AFAP1L2: variants seen among roughly 807,000 people sequenced by gnomAD.
AFAP1L2 encodes actin filament associated protein 1 like 2.
Under a neutral mutation model 99.3 loss-of-function variants are expected in AFAP1L2, and 46 were observed. That is an observed-to-expected ratio of 0.46 (90% CI 0.37 to 0.59). The LOEUF is 0.59. Among genes scored for constraint, AFAP1L2 ranks in the 20% least tolerant of loss-of-function variants. The pLI, the probability that AFAP1L2 is intolerant of heterozygous loss-of-function variation, is 0.00. For missense variants in AFAP1L2, 959 were observed against 1,034.9 expected (o/e 0.93, Z 1.01); for synonymous variants, 397 against 419.1 (o/e 0.95, Z 0.64).
intron 1 of AFAP1L2, among the ~76,000 whole-genome samples, chr10:114,348,098 T>A (rs1159202801): frequency 6.6e-6 from 1 of 152,190 alleles, no homozygotes; most frequent in Admixed American, 6.5e-5. Flanking sequence ...GTTTTCAAGG[T>A]TCATCCATGT....
downstream of AFAP1L2, among the ~76,000 whole-genome samples, chr10:114,294,216 G>C (rs2039862690): frequency 6.6e-6 from 1 of 152,072 alleles, no homozygotes; most frequent in African/African-American, 2.4e-5. Flanking sequence ...TTTAATCTGT[G>C]TCCAACAATG....
intron 1 of AFAP1L2, among the ~76,000 whole-genome samples, chr10:114,341,538 G>A (rs1488212293): frequency 6.6e-6 from 1 of 151,770 alleles, no homozygotes; most frequent in East Asian, 1.9e-4. Flanking sequence ...GCTTGAACCC[G>A]GGAGGCGGAG....
intron 1 of AFAP1L2, among the ~76,000 whole-genome samples, chr10:114,397,771 C>T (rs546850956): frequency 1.3e-5 from 2 of 152,268 alleles, no homozygotes; most frequent in South Asian, 4.2e-4. Context: ...AGCTGGCTAG[C>T]CTCTCTTGCT....
chr10:114,384,194 T>C (rs1052827171), intron 1 of AFAP1L2, among the ~76,000 whole-genome samples: 3 of 152,178 alleles, frequency 2.0e-5, no homozygotes, highest in African/African-American at 7.2e-5. Context: ...GGCACCATCA[T>C]TCACTCTGAT....
intron 1 of AFAP1L2, among the ~76,000 whole-genome samples, chr10:114,388,017 C>A (rs1036575603): frequency 1.4e-4 from 22 of 152,252 alleles, no homozygotes; most frequent in Admixed American, 1.2e-3. Flanking sequence ...TGGACAACTA[C>A]AATAGGTTTG....
At chr10:114,296,861 G>C (rs181870998) in intron 18 of AFAP1L2, 117 bp downstream of exon 18, 6 of 1,551,890 alleles carry the variant, frequency 3.9e-6, no homozygotes, top group Non-Finnish European at 4.4e-6. Flanking sequence ...GGTGAGTGCC[G>C]AGCCCTTGCT....
At chr10:114,359,929 A>T in intron 1 of AFAP1L2, among the ~76,000 whole-genome samples, 1 of 105,992 alleles carries the variant, frequency 9.4e-6, no homozygotes, top group East Asian at 3.1e-4. Context: ...GTCACCAAGG[A>T]CATATATGAC....
intron 6 of AFAP1L2, 90 bp downstream of exon 6, chr10:114,315,470 G>A: frequency 7.2e-7 from 1 of 1,380,354 alleles, no homozygotes; most frequent in Non-Finnish European, 1.0e-6. Context: ...AAACCTCTGA[G>A]GTCAGGGACC....
At chr10:114,337,385 T>C (rs1365244117) in intron 2 of AFAP1L2, among the ~76,000 whole-genome samples, 1 of 152,242 alleles carries the variant, frequency 6.6e-6, no homozygotes, top group Non-Finnish European at 1.5e-5. Context: ...TTGGCTGCTA[T>C]TGTACCTACT....
intron 7 of AFAP1L2, among the ~76,000 whole-genome samples, chr10:114,311,532 G>C (rs1332262868): frequency 6.6e-6 from 1 of 152,214 alleles, no homozygotes; most frequent in East Asian, 1.9e-4. Flanking sequence ...GTGACATTGA[G>C]CCTGAGCCTC....
intron 2 of AFAP1L2, among the ~76,000 whole-genome samples, chr10:114,339,230 G>A (rs1298203565): frequency 6.6e-6 from 1 of 151,956 alleles, no homozygotes; most frequent in Non-Finnish European, 1.5e-5. Context: ...AGGCCGAGGC[G>A]GGCGGATCAC....
At chr10:114,286,916 GTGCACACATGCACATGTA>G in the AFAP1L2 span, among the ~76,000 whole-genome samples, 1 of 152,118 alleles carries the variant, frequency 6.6e-6, no homozygotes. Flanking sequence ...TGTGTTCCTG[GTGCACACATGCACATGTA>G]TGCACACATA....
chr10:114,315,328 C>T (rs117752727), intron 6 of AFAP1L2, among the ~76,000 whole-genome samples: 23 of 152,208 alleles, frequency 1.5e-4, no homozygotes, highest in Non-Finnish European at 2.4e-4. Flanking sequence ...GTAGTCACAA[C>T]CCCCTTTGAG....
intron 6 of AFAP1L2, among the ~76,000 whole-genome samples, chr10:114,314,939 G>A (rs779207776): frequency 3.9e-4 from 60 of 152,204 alleles, no homozygotes; most frequent in Non-Finnish European, 7.5e-4. Flanking sequence ...TCCGGAGTTC[G>A]AGACCAGCCT....
At chr10:114,352,745 A>G (rs1208193069) in intron 1 of AFAP1L2, among the ~76,000 whole-genome samples, 1 of 152,250 alleles carries the variant, frequency 6.6e-6, no homozygotes, top group Non-Finnish European at 1.5e-5. Context: ...CCATGCTATG[A>G]TTTGAGAAGT....
At chr10:114,308,338 T>G (rs2042729145) in intron 9 of AFAP1L2, 95 bp downstream of exon 9, 3 of 1,069,208 alleles carry the variant, frequency 2.8e-6, no homozygotes, top group Non-Finnish European at 4.2e-6. Flanking sequence ...TAGGGGGCCA[T>G]GTTAGAATCC....
intron 10 of AFAP1L2, among the ~76,000 whole-genome samples, chr10:114,305,475 A>G (rs946375527): frequency 1.2e-4 from 11 of 93,348 alleles, no homozygotes; most frequent in Non-Finnish European, 1.4e-4. Context: ...GAGGGGACGC[A>G]GATGCAGGAG....
chr10:114,383,144 G>T (rs889216164), intron 1 of AFAP1L2, among the ~76,000 whole-genome samples: 1 of 152,214 alleles, frequency 6.6e-6, no homozygotes, highest in Non-Finnish European at 1.5e-5. Flanking sequence ...TATATACATG[G>T]CTGCTTATAT....
At chr10:114,285,605 T>C in the AFAP1L2 span, among the ~76,000 whole-genome samples, 2 of 152,202 alleles carry the variant, frequency 1.3e-5, no homozygotes, top group Non-Finnish European at 2.9e-5. Context: ...CAGTGAAGCC[T>C]GTAGAAGCAA....
Sources: allele counts gnomAD v4.1 joint callset (sites outside exome capture counted in the v4.1 genomes callset), GRCh38; gene constraint gnomAD v4.1.1; transcripts MANE v1.5; gene names NCBI Gene and HGNC (gene_info 2026-07-23, HGNC 2026-07-21).